The following CSMD1 variants were observed in gnomAD, a reference collection of about 807,000 sequenced individuals.
The protein encoded by CSMD1 is CUB and sushi domain-containing protein 1.
Under a neutral mutation model 417.5 loss-of-function variants are expected in CSMD1, and 213 were observed. That is an observed-to-expected ratio of 0.51 (90% confidence interval 0.46 to 0.57). The LOEUF (loss-of-function observed/expected upper bound fraction) is 0.57, where lower values mean the gene tolerates loss of function less well. Among genes scored for constraint, CSMD1 ranks in the 20% least tolerant of loss-of-function variants. CSMD1 has a pLI of 0.00. For missense variants in CSMD1, 6,923 were observed against 4,529.7 expected, an observed-to-expected ratio of 1.53 and a Z score of -15.17; for synonymous variants, 2,862 against 1,736.8, an observed-to-expected ratio of 1.65 and a Z score of -16.11.
chr8:3,783,087 G>T (rs76338840), intron 5 of CSMD1, among the ~76,000 whole-genome samples: 3,444 of 152,062 alleles, frequency 0.023, 171 homozygotes, highest in East Asian at 0.15. Flanking sequence ...TCCCCATCCC[G>T]TAACCCCCAG....
intron 3 of CSMD1, among the ~76,000 whole-genome samples, chr8:4,175,476 T>C (rs1209416511): frequency 6.6e-6 from 1 of 152,172 alleles, no homozygotes. Flanking sequence ...CATCCAAAAT[T>C]GTAAATATAT....
intron 1 of CSMD1, among the ~76,000 whole-genome samples, chr8:4,816,163 G>C (rs1383415529): frequency 6.6e-6 from 1 of 151,756 alleles, no homozygotes; most frequent in African/African-American, 2.4e-5. Flanking sequence ...CTTTGGCTCA[G>C]GTTGGTCACT....
At chr8:4,974,427 T>C (rs922173394) in intron 1 of CSMD1, among the ~76,000 whole-genome samples, 3 of 152,142 alleles carry the variant, frequency 2.0e-5, no homozygotes, top group African/African-American at 7.2e-5. Flanking sequence ...TTGAGATATA[T>C]TTAAATTTTT....
intron 12 of CSMD1, among the ~76,000 whole-genome samples, chr8:3,425,394 C>T (rs562374118): frequency 1.1e-4 from 17 of 151,698 alleles, no homozygotes; most frequent in African/African-American, 3.4e-4. Context: ...TCCAGACCAT[C>T]GTGGCCAACA....
At chr8:4,880,301 C>T (rs1247688159) in intron 1 of CSMD1, among the ~76,000 whole-genome samples, 4 of 152,064 alleles carry the variant, frequency 2.6e-5, no homozygotes, top group African/African-American at 7.3e-5. Context: ...TCTCACACAC[C>T]ACCTTGATTC....
intron 25 of CSMD1, among the ~76,000 whole-genome samples, chr8:3,306,477 T>TGTAACTTTTTTTCA (rs1328032019): frequency 1.3e-5 from 2 of 152,196 alleles, no homozygotes; most frequent in Admixed American, 6.5e-5. Flanking sequence ...GACTTTGACC[T>TGTAACTTTTTTTCA]GTAACTTTTT....
chr8:4,166,214 T>A (rs192809693), intron 3 of CSMD1, among the ~76,000 whole-genome samples: 219 of 152,302 alleles, frequency 1.4e-3, no homozygotes, highest in African/African-American at 5.1e-3. Flanking sequence ...TATGACATAT[T>A]TCATTTAACC....
At chr8:3,394,589 C>G (rs953253904) in intron 17 of CSMD1, among the ~76,000 whole-genome samples, 1 of 150,968 alleles carries the variant, frequency 6.6e-6, no homozygotes, top group Non-Finnish European at 1.5e-5. Flanking sequence ...GTTTCATGCA[C>G]TATATATCTA....
intron 5 of CSMD1, among the ~76,000 whole-genome samples, chr8:3,915,363 G>T (rs1184915871): frequency 2.1e-5 from 3 of 141,348 alleles, no homozygotes; most frequent in African/African-American, 8.0e-5. Context: ...CTTAGATAGT[G>T]CCACTGCACT....
intron 3 of CSMD1, among the ~76,000 whole-genome samples, chr8:4,326,721 A>T (rs1453544236): frequency 6.6e-6 from 1 of 152,190 alleles, no homozygotes; most frequent in Non-Finnish European, 1.5e-5. Context: ...GGTAACACCA[A>T]ATGGGGACTT....
intron 1 of CSMD1, among the ~76,000 whole-genome samples, chr8:4,649,332 G>C (rs749114035): frequency 1.5e-4 from 23 of 152,248 alleles, no homozygotes; most frequent in South Asian, 4.1e-4. Flanking sequence ...TGTGAACATT[G>C]ACAGAGTACC....
rs566951361 is a variant in CSMD1, at chr8:3,501,337, A to C, written c.1345-7611T>G. Among the ~76,000 whole-genome samples the C allele has an allele frequency of 2.6e-5, 4 of 152,298 alleles. No homozygotes were observed. In the East Asian group the frequency reaches 7.7e-4, roughly 29 times the overall value. ...ATCATTGGGTTTCTTCCTTGATAGC[A>C]CTATTTTTAAGTTTTTCCTTTTGAT... On this transcript the variant is annotated intron_variant, in intron 10 of 69. Coordinates refer to ENST00000635120, the MANE Select transcript of CSMD1 (RefSeq NM_033225.6).
At chr8:3,089,452 G>A (rs1206296843) in intron 48 of CSMD1, among the ~76,000 whole-genome samples, 4 of 152,160 alleles carry the variant, frequency 2.6e-5, no homozygotes, top group African/African-American at 9.7e-5. Flanking sequence ...TTTTTAACTC[G>A]GATTTCCAAT....
rs569704678 is a variant in CSMD1 at position 3,307,156 on chromosome 8, C to T, written c.3950+539G>A. 4.6e-5 allele frequency among the ~76,000 whole-genome samples: 7 copies of T among 152,264 alleles called. 1 individual carries two copies. The highest frequency in any genetic ancestry group is 1.7e-4 in the African/African-American group (7 of 41,560). On this transcript the variant is annotated intron_variant, in intron 25 of 69. Transcript: ENST00000635120. The stretch of plus-strand genomic sequence containing the variant: ...TCTTCATATCTTGAGTCTTGCCTAG[C>T]CCATGAGACTTGCTTTGACAAAGGG...
intron 3 of CSMD1, among the ~76,000 whole-genome samples, chr8:4,061,326 A>C (rs569085470): frequency 6.6e-6 from 1 of 152,352 alleles, no homozygotes; most frequent in South Asian, 2.1e-4. Flanking sequence ...ACAAGGAACC[A>C]CTAAAAATTC....
intron 1 of CSMD1, among the ~76,000 whole-genome samples, chr8:4,752,088 TG>T: frequency 6.6e-6 from 1 of 152,276 alleles, no homozygotes; most frequent in East Asian, 1.9e-4. Context: ...CATGTCTGTG[TG>T]TGTGTACATG....
At chr8:4,511,193 A>T (rs535625200) in intron 2 of CSMD1, among the ~76,000 whole-genome samples, 3 of 152,232 alleles carry the variant, frequency 2.0e-5, no homozygotes, top group South Asian at 4.2e-4. Context: ...AATAGTCATC[A>T]GTCCATGTAC....
At chr8:4,803,186 G>T (rs1312721243) in intron 1 of CSMD1, among the ~76,000 whole-genome samples, 1 of 152,052 alleles carries the variant, frequency 6.6e-6, no homozygotes, top group Non-Finnish European at 1.5e-5. Context: ...TCTTTAAGTT[G>T]ATCCTGGCCA....
At chr8:4,907,202 ACT>A (rs1465181682) in intron 1 of CSMD1, among the ~76,000 whole-genome samples, 2 of 152,008 alleles carry the variant, frequency 1.3e-5, no homozygotes, top group Non-Finnish European at 1.5e-5. Context: ...CACAACTTTT[ACT>A]CTCTTTGAAA....
Sources: allele counts gnomAD v4.1 joint callset (sites outside exome capture counted in the v4.1 genomes callset), GRCh38; gene constraint gnomAD v4.1.1; transcripts MANE v1.5; gene names NCBI Gene and HGNC (gene_info 2026-07-23, HGNC 2026-07-21).